PLXDC2: variants seen among roughly 807,000 people sequenced by gnomAD.
The protein encoded by PLXDC2 is plexin domain-containing protein 2.
PLXDC2 carries 40 observed loss-of-function variants against 68.9 expected under a neutral mutation model. That is an observed-to-expected ratio of 0.58 (90% CI 0.45 to 0.76). The LOEUF is 0.76. Ranked by LOEUF, PLXDC2 falls within the 30% of genes least tolerant of loss-of-function variation. The pLI, the probability that PLXDC2 is intolerant of heterozygous loss-of-function variation, is 0.00. For synonymous variants in PLXDC2, 243 were observed against 234.2 expected (o/e 1.04, Z -0.34); for missense variants, 644 against 661.9 (o/e 0.97, Z 0.30).
rs962159378 is a variant in PLXDC2, at chr10:19,857,793, A to C, written c.112+40602A>C. ...GAAGTATTATTTGTGGGAGTAGAAT[A>C]ATATCCATAGGAGTAGATGTAAAGA... On this transcript the variant is annotated intron_variant, in intron 1 of 13. Coordinates refer to ENST00000377252, the MANE Select transcript of PLXDC2 (RefSeq NM_032812.9). Among the ~76,000 whole-genome samples the C allele has an allele frequency of 1.4e-4, 21 of 152,332 alleles. No homozygotes were observed. The East Asian group carries it at 4.1e-3, about 29-fold the overall frequency.
In PLXDC2 at chr10:19,864,871, G is replaced by A. The variant is rs77026881; in HGVS notation, c.112+47680G>A. On this transcript the variant is annotated intron_variant, in intron 1 of 13. Coordinates refer to ENST00000377252, the MANE Select transcript of PLXDC2 (RefSeq NM_032812.9). ...AGAGACACCTACTGTAAGTTTAAAG[G>A]GTGAGTCAAACGGGGCTTCCTCCCC... Among the ~76,000 whole-genome samples the A allele has an allele frequency of 6.3e-3, 958 of 152,252 alleles. 11 individuals are homozygous for A. Among genetic ancestry groups the A allele is most frequent in the African/African-American group, 0.021 (892 of 41,544 alleles).
chr10:19,949,399 T>C (rs2131405213), intron 1 of PLXDC2, among the ~76,000 whole-genome samples: 1 of 152,270 alleles, frequency 6.6e-6, no homozygotes, highest in South Asian at 2.1e-4. Flanking sequence ...TTTCAAGGCT[T>C]GTCAGAGCAG....
intron 4 of PLXDC2, among the ~76,000 whole-genome samples, chr10:20,127,996 A>T (rs771056293): frequency 6.6e-6 from 1 of 152,198 alleles, no homozygotes; most frequent in Non-Finnish European, 1.5e-5. Context: ...ATCTATCCCA[A>T]ATGGGTTATG....
At chr10:19,837,397 AGAGAGAGAGAGAGTGTGT>A (rs979156421) in intron 1 of PLXDC2, among the ~76,000 whole-genome samples, 4 of 66,164 alleles carry the variant, frequency 6.0e-5, no homozygotes, top group Non-Finnish European at 9.0e-5. Context: ...AGAGAGAGAG[AGAGAGAGAGAGAGTGTGT>A]GTGTGTGTGT....
At chr10:19,883,914 C>T (rs1268116179) in intron 1 of PLXDC2, among the ~76,000 whole-genome samples, 8 of 16,550 alleles carry the variant, frequency 4.8e-4, no homozygotes, top group African/African-American at 3.7e-3. Context: ...TTTTTTTTAG[C>T]AGACAGGATC....
At chr10:19,972,006 G>A (rs554159266) in intron 1 of PLXDC2, among the ~76,000 whole-genome samples, 1 of 152,216 alleles carries the variant, frequency 6.6e-6, no homozygotes, top group Admixed American at 6.5e-5. Flanking sequence ...CATAGAGGGA[G>A]GAAGGTCCAG....
At chr10:19,983,965 G>T (rs1370378834) in intron 1 of PLXDC2, among the ~76,000 whole-genome samples, 1 of 152,062 alleles carries the variant, frequency 6.6e-6, no homozygotes, top group Non-Finnish European at 1.5e-5. Context: ...AATATAAAAG[G>T]CAGGCCCAAA....
rs1021497800 is a variant in PLXDC2, at chr10:20,126,392, AATAC to A, written c.542-16899_542-16896del. ...ATACATATATACATATGTGTTATAT[AATAC>A]ATATATGTATATACAACACACGTTA... On this transcript the variant is annotated intron_variant, in intron 4 of 13. Transcript: ENST00000377252. 1.4e-5 allele frequency among the ~76,000 whole-genome samples: 2 copies of A among 142,272 alleles called. 1 individual carries two copies. Among genetic ancestry groups the A allele is most frequent in the Admixed American group, 1.4e-4 (2 of 14,198 alleles). 93.3% of individuals were successfully genotyped at this position (142,272 alleles called of 152,430 possible). A position where few individuals can be genotyped will look rare whatever the true frequency, so the allele number is the denominator to read the frequency against.
At chr10:20,263,529 C>T (rs950360975) in intron 13 of PLXDC2, among the ~76,000 whole-genome samples, 19 of 152,286 alleles carry the variant, frequency 1.2e-4, no homozygotes, top group African/African-American at 4.3e-4. Flanking sequence ...AACTTAAGAG[C>T]TTCTGCACAG....
chr10:20,284,312 CATATATAT>C lies in PLXDC2; in HGVS notation c.*4505_*4512del, dbSNP rs747835988. The stretch of plus-strand genomic sequence containing the variant: ...GTGAGACCCATCTCTATCAAATATA[CATATATAT>C]ATATATATATACACACACACACACA... On this transcript the variant is annotated 3_prime_UTR_variant, in exon 14 of 14. Coordinates refer to ENST00000377252, the MANE Select transcript of PLXDC2 (RefSeq NM_032812.9). 8.0e-6 allele frequency: 1 copy of C among 125,318 alleles called. No individual in the cohort carries two copies. The highest frequency in any genetic ancestry group is 1.6e-5 in the Non-Finnish European group (1 of 61,088). The allele number at this position is 125,318 out of a possible 1,614,324, so 7.8% of individuals were successfully genotyped here.
intron 4 of PLXDC2, chr10:20,091,684 G>A (rs1332758259): frequency 6.6e-6 from 1 of 152,084 alleles, no homozygotes; most frequent in South Asian, 2.1e-4. Context: ...TTAAATGCTT[G>A]AAGTTTTAAA....
chr10:20,137,895 A>G (rs1007162330), intron 4 of PLXDC2, among the ~76,000 whole-genome samples: 102 of 152,070 alleles, frequency 6.7e-4, no homozygotes, highest in African/African-American at 2.3e-3. Context: ...TCTCAGTATG[A>G]TTGAGTGTGG....
chr10:19,881,014 A>C (rs1359073587), intron 1 of PLXDC2, among the ~76,000 whole-genome samples: 1 of 152,168 alleles, frequency 6.6e-6, no homozygotes, highest in Non-Finnish European at 1.5e-5. Context: ...TGCTCAAATG[A>C]GCTCTGAGCC....
intron 6 of PLXDC2, among the ~76,000 whole-genome samples, chr10:20,156,606 T>C (rs1345171143): frequency 6.6e-6 from 1 of 152,170 alleles, no homozygotes; most frequent in East Asian, 1.9e-4. Context: ...ATTTTACTTA[T>C]CATCTTCATG....
chr10:20,238,673 A>ATG lies in PLXDC2; in HGVS notation c.1313-6671_1313-6670insGT, dbSNP rs1389703886. 1.3e-4 allele frequency among the ~76,000 whole-genome samples: 16 copies of ATG among 122,710 alleles called. 1 individual carries two copies. The highest frequency in any genetic ancestry group is 4.7e-4 in the African/African-American group (14 of 30,086). 80.5% of individuals were successfully genotyped at this position (122,710 alleles called of 152,430 possible). On this transcript the variant is annotated intron_variant, in intron 12 of 13. Transcript: ENST00000377252. ...TCCATCTCAAAAAAAATATATATAT[A>ATG]TATGTATATATATATATATACACAC...
At chr10:19,970,809 G>A (rs539044894) in intron 1 of PLXDC2, among the ~76,000 whole-genome samples, 91 of 152,252 alleles carry the variant, frequency 6.0e-4, no homozygotes, top group Non-Finnish European at 1.1e-3. Flanking sequence ...TCAAGAACTA[G>A]GGCAGTGAAA....
At chr10:20,103,591 TGAGAGAGAGA>T (rs57564391) in intron 4 of PLXDC2, among the ~76,000 whole-genome samples, 10 of 145,744 alleles carry the variant, frequency 6.9e-5, no homozygotes, top group African/African-American at 2.5e-4. Flanking sequence ...GGTTTGTGTG[TGAGAGAGAGA>T]GAGAGAGAGA....
At chr10:20,236,974 TAAAAG>T (rs1420921094) in intron 12 of PLXDC2, among the ~76,000 whole-genome samples, 1 of 151,426 alleles carries the variant, frequency 6.6e-6, no homozygotes, top group African/African-American at 2.4e-5. Flanking sequence ...TTTTCTAAGA[TAAAAG>T]GTAAGGGATT....
chr10:20,125,945 TATA>T (rs1833768156), intron 4 of PLXDC2, among the ~76,000 whole-genome samples: 1 of 148,580 alleles, frequency 6.7e-6, no homozygotes, highest in Admixed American at 6.7e-5. Flanking sequence ...TATATATATA[TATA>T]TATAATATTT....
Sources: gnomAD v4.1 joint callset for allele counts (sites outside exome capture counted in the v4.1 genomes callset) on GRCh38, gnomAD v4.1.1 for gene constraint, MANE v1.5 for transcripts, NCBI Gene and HGNC (gene_info 2026-07-23, HGNC 2026-07-21) for gene names.